Variants in POLD3 observed in about 807,000 individuals in gnomAD.
The protein encoded by POLD3 is DNA polymerase delta subunit 3.
Under a neutral mutation model 58.2 loss-of-function variants are expected in POLD3, and 19 were observed. The ratio of observed to expected loss-of-function variants is 0.33; its 90% CI spans 0.23 to 0.48. The LOEUF (loss-of-function observed/expected upper bound fraction) is 0.48. POLD3 is among the 20% of genes least tolerant of loss of function. The pLI is 0.99. For missense variants in POLD3, 504 were observed against 545.5 expected (o/e 0.92, Z 0.76); for synonymous variants, 172 against 193.5 (o/e 0.89, Z 0.92).
intron 9 of POLD3, among the ~76,000 whole-genome samples, chr11:74,632,730 A>C (rs1488234549): frequency 6.6e-6 from 1 of 152,080 alleles, no homozygotes; most frequent in Non-Finnish European, 1.5e-5. Context: ...TGGGGGAGTT[A>C]TAATGTTTTA....
chr11:74,633,204 T>C (rs1375449663), intron 9 of POLD3, among the ~76,000 whole-genome samples: 2 of 152,186 alleles, frequency 1.3e-5, no homozygotes, highest in Admixed American at 6.5e-5. Flanking sequence ...CATCTACCAT[T>C]GTGGCCCAGC....
chr11:74,621,530 G>C (rs1476507339), intron 7 of POLD3, among the ~76,000 whole-genome samples: 1 of 137,328 alleles, frequency 7.3e-6, no homozygotes, highest in Non-Finnish European at 1.6e-5. Context: ...CTGCCTGGCT[G>C]TTATGGTTTT....
In POLD3 at chr11:74,640,644, C is replaced by A. The variant is rs1443119821; in HGVS notation, c.1279C>A (p.Pro427Thr). 1.2e-6 allele frequency: 2 copies of A among 1,611,740 alleles called. No homozygotes were observed. Among genetic ancestry groups the A allele is most frequent in the South Asian group, 2.2e-5 (2 of 90,538 alleles). ...LNMKTSSVHRPPAMTVKKEPR... is the reference protein window; with the variant it reads ...LNMKTSSVHRTPAMTVKKEPR... ...CATGAAGACATCCTCAGTACACAGA[C>A]CCCCTGCCATGACTGTGAAAAAAGA... Residue 427 changes from proline to threonine, a missense_variant, in exon 12 of 12, where the codon CCC becomes ACC. Coordinates refer to ENST00000263681, the MANE Select transcript of POLD3 (RefSeq NM_006591.3).
intron 8 of POLD3, among the ~76,000 whole-genome samples, chr11:74,627,245 G>A (rs987926935): frequency 7.2e-5 from 11 of 151,956 alleles, no homozygotes; most frequent in African/African-American, 2.7e-4. Flanking sequence ...TGTAGGCCGA[G>A]GCTAATGTGT....
intron 3 of POLD3, among the ~76,000 whole-genome samples, chr11:74,611,083 T>C (rs1412084384): frequency 6.6e-6 from 1 of 152,196 alleles, no homozygotes; most frequent in African/African-American, 2.4e-5. Flanking sequence ...CCTTATTTTT[T>C]ACATTTAAAT....
chr11:74,649,367 G>C (rs1463851213), intron 4 of POLD3, among the ~76,000 whole-genome samples: 1 of 152,158 alleles, frequency 6.6e-6, no homozygotes, highest in Admixed American at 6.5e-5. Flanking sequence ...GCTAGTACAT[G>C]GTAGAGCTGG....
At chr11:74,636,426 A>G in intron 11 of POLD3, 151 bp downstream of exon 11, 1 of 717,492 alleles carries the variant, frequency 1.4e-6, no homozygotes, top group South Asian at 1.9e-5. Flanking sequence ...TATGGCATAC[A>G]CTTTGTGTAG....
chr11:74,636,942 A>G (rs1232368090), intron 11 of POLD3, among the ~76,000 whole-genome samples: 3 of 152,222 alleles, frequency 2.0e-5, no homozygotes, highest in Non-Finnish European at 4.4e-5. Context: ...TACCCTTTCC[A>G]TAATCACACT....
intron 8 of POLD3, among the ~76,000 whole-genome samples, chr11:74,628,483 A>G (rs1172956596): frequency 6.6e-6 from 1 of 152,138 alleles, no homozygotes; most frequent in African/African-American, 2.4e-5. Context: ...TCTTGTATAT[A>G]TTTGTTTCTC....
chr11:74,634,482 A>C (rs2032686902), intron 9 of POLD3, 101 bp from the exon 10 acceptor site: 1 of 684,838 alleles, frequency 1.5e-6, no homozygotes, highest in Admixed American at 2.1e-5. Context: ...TGCTTGCTAA[A>C]TCCCCTTTGC....
At chr11:74,648,437 A>G (rs781049009) in intron 4 of POLD3, among the ~76,000 whole-genome samples, 2 of 152,164 alleles carry the variant, frequency 1.3e-5, no homozygotes, top group Non-Finnish European at 2.9e-5. Flanking sequence ...GTGTGTGTCC[A>G]TAGGTCAGTG....
chr11:74,668,974 A>G, exon 5 of POLD3: 1 of 364,014 alleles, frequency 2.7e-6, no homozygotes, highest in Non-Finnish European at 5.2e-6. Context: ...TTAGAAAGAA[A>G]AAGAGCTGAG....
At chr11:74,603,948 A>G (rs538766264) in intron 2 of POLD3, among the ~76,000 whole-genome samples, 1 of 152,284 alleles carries the variant, frequency 6.6e-6, no homozygotes, top group South Asian at 2.1e-4. Flanking sequence ...GAATTTAGAG[A>G]TTTTACTAAA....
At chr11:74,644,268 A>G (rs573815302), downstream of POLD3, among the ~76,000 whole-genome samples, 121 of 152,200 alleles carry the variant, frequency 8.0e-4, no homozygotes, top group African/African-American at 2.8e-3. Flanking sequence ...CCAGAAACGT[A>G]CTCTGTGTCA....
At chr11:74,645,066 C>A (rs1175982760), downstream of POLD3, among the ~76,000 whole-genome samples, 1 of 152,118 alleles carries the variant, frequency 6.6e-6, no homozygotes, top group Non-Finnish European at 1.5e-5. Flanking sequence ...GACAAACATA[C>A]TAAATAGCAT....
intron 11 of POLD3, 50 bp from the exon 12 acceptor site, chr11:74,640,514 G>A (rs367642151): frequency 1.4e-6 from 2 of 1,458,094 alleles, no homozygotes; most frequent in East Asian, 2.5e-5. Context: ...TTTCTTCATA[G>A]AGTAAATGAT....
chr11:74,616,884 C>T (rs926571016), intron 5 of POLD3, among the ~76,000 whole-genome samples: 1 of 152,058 alleles, frequency 6.6e-6, no homozygotes, highest in African/African-American at 2.4e-5. Flanking sequence ...TAGAAATCTC[C>T]CACCCCAAGT....
intron 5 of POLD3, among the ~76,000 whole-genome samples, chr11:74,613,946 A>G (rs192536655): frequency 6.6e-6 from 1 of 152,318 alleles, no homozygotes. Flanking sequence ...ACAGAAGGTT[A>G]TGATATCTCA....
chr11:74,599,483 G>A (rs2031405409), intron 2 of POLD3, among the ~76,000 whole-genome samples: 1 of 151,094 alleles, frequency 6.6e-6, no homozygotes, highest in Non-Finnish European at 1.5e-5. Flanking sequence ...TCCTGCTTCA[G>A]CCTCCTGAAT....
Sources: gnomAD v4.1 joint callset for allele counts (sites outside exome capture counted in the v4.1 genomes callset) on GRCh38, gnomAD v4.1.1 for gene constraint, MANE v1.5 for transcripts, NCBI Gene and HGNC (gene_info 2026-07-23, HGNC 2026-07-21) for gene names.